The following MAN2A1 variants were observed in gnomAD, a reference collection of about 807,000 sequenced individuals.
The protein encoded by MAN2A1 is alpha-mannosidase 2.
A neutral mutation model predicts 142.6 loss-of-function variants in MAN2A1; 76 were observed. The observed-to-expected ratio is 0.53, with a 90% confidence interval of 0.44 to 0.65. The LOEUF is 0.65. Ranked by LOEUF, MAN2A1 falls within the 30% of genes least tolerant of loss-of-function variation. The pLI, the probability that MAN2A1 is intolerant of heterozygous loss-of-function variation, is 0.00. For synonymous variants in MAN2A1, 559 were observed against 473.2 expected, an observed-to-expected ratio of 1.18 and a Z score of -2.35; for missense variants, 1,311 against 1,365.1, an observed-to-expected ratio of 0.96 and a Z score of 0.62.
intron 2 of MAN2A1, among the ~76,000 whole-genome samples, chr5:109,714,034 A>G (rs1297779825): frequency 6.6e-6 from 1 of 151,968 alleles, no homozygotes; most frequent in East Asian, 1.9e-4. Flanking sequence ...TTCAGGTCTT[A>G]TTTTCTGTAA....
At chr5:109,735,760 A>G (rs1397942226) in intron 4 of MAN2A1, among the ~76,000 whole-genome samples, 1 of 152,052 alleles carries the variant, frequency 6.6e-6, no homozygotes, top group African/African-American at 2.4e-5. Context: ...CTTTGTAATT[A>G]ATTTGTTAAA....
At position 109,774,944 on chromosome 5, in the gene MAN2A1, T is replaced by C; in HGVS notation, c.1353T>C (p.Ser451=). 1 of 1,605,636 alleles carries C rather than the reference T, an allele frequency of 6.2e-7. No individual in the cohort carries two copies. Among genetic ancestry groups the C allele is most frequent in the Non-Finnish European group, 8.5e-7 (1 of 1,175,376 alleles). ...AGCAGCTTTTTGATTATATGAATTC[T>C]CAGTCCAAGTTTAAAGTTAAGGTAA... ...NYQQLFDYMN[S]QSKFKVKIQF... is the part of the protein sequence containing the mutation. Residue 451 remains serine, a synonymous_variant, in exon 8 of 22, where the codon TCT becomes TCC. Transcript: ENST00000261483.
chr5:109,847,959 G>A (rs180964484), intron 19 of MAN2A1, among the ~76,000 whole-genome samples, 169 bp downstream of exon 19: 11 of 152,146 alleles, frequency 7.2e-5, no homozygotes, highest in East Asian at 5.8e-4. Context: ...TATAAATATC[G>A]TGTAAGATTT....
In MAN2A1 at chr5:109,755,831, A is replaced by G. The variant is rs751858205; in HGVS notation, c.835+375A>G. On this transcript the variant is annotated intron_variant, in intron 5 of 21. Coordinates refer to ENST00000261483, the MANE Select transcript of MAN2A1 (RefSeq NM_002372.4). ...TTATGTCACTGAGTGTTCCAGAGATACGGTAGCTTCAGGTATTGCTGTATC... is the reference window on the plus strand; with the variant it reads ...TTATGTCACTGAGTGTTCCAGAGATGCGGTAGCTTCAGGTATTGCTGTATC... Among the ~76,000 whole-genome samples, 4 of 152,132 alleles carry G rather than the reference A, an allele frequency of 2.6e-5. No homozygotes were observed. In the South Asian group the frequency reaches 8.3e-4, roughly 32 times the overall value.
chr5:109,797,099 G>A (rs1753883744), intron 12 of MAN2A1, among the ~76,000 whole-genome samples: 2 of 152,158 alleles, frequency 1.3e-5, no homozygotes, highest in African/African-American at 2.4e-5. Context: ...CAGAGTCTAG[G>A]TAAATGTCTA....
intron 4 of MAN2A1, among the ~76,000 whole-genome samples, chr5:109,736,213 TCACA>T (rs1288018807): frequency 1.3e-5 from 2 of 152,130 alleles, no homozygotes; most frequent in Non-Finnish European, 2.9e-5. Context: ...GCAGACACAC[TCACA>T]CAGTGCTAAA....
chr5:109,730,413 A>G (rs1472347920), intron 4 of MAN2A1, among the ~76,000 whole-genome samples: 4 of 151,916 alleles, frequency 2.6e-5, no homozygotes, highest in South Asian at 2.1e-4. Context: ...TAACATATTT[A>G]TCTACTCAAA....
At chr5:109,803,726 C>T (rs928207134) in intron 12 of MAN2A1, among the ~76,000 whole-genome samples, 2 of 151,946 alleles carry the variant, frequency 1.3e-5, no homozygotes, top group Non-Finnish European at 1.5e-5. Context: ...GAAAAGAAGA[C>T]GAGGTGGTGT....
At position 109,710,960 on chromosome 5, in the gene MAN2A1, G is replaced by T. The variant is rs186163581; in HGVS notation, c.136-2560G>T. 3.9e-4 allele frequency among the ~76,000 whole-genome samples: 60 copies of T among 152,284 alleles called. 1 individual carries two copies. The highest frequency in any genetic ancestry group is 1.1e-3 in the African/African-American group (44 of 41,576). ...CCGCTTCGGACTCCCAAAGTGCTGG[G>T]ATTACAGGCGTGAGCCACCGCGCTC... On this transcript the variant is annotated intron_variant, in intron 1 of 21. Coordinates refer to ENST00000261483, the MANE Select transcript of MAN2A1 (RefSeq NM_002372.4).
chr5:109,762,126 G>T (rs1291605029), intron 5 of MAN2A1, among the ~76,000 whole-genome samples: 1 of 151,964 alleles, frequency 6.6e-6, no homozygotes, highest in Non-Finnish European at 1.5e-5. Flanking sequence ...CACAGTATAA[G>T]TTTTTTTCCA....
At position 109,855,265 on chromosome 5, in the gene MAN2A1, A is replaced by G. The variant is rs1284794704; in HGVS notation, c.3102A>G (p.Glu1034=). 1 of 1,607,210 alleles carries G rather than the reference A, an allele frequency of 6.2e-7. No homozygotes were observed. The highest frequency in any genetic ancestry group is 8.5e-7 in the Non-Finnish European group (1 of 1,177,702). Residue 1034 remains glutamate (E), a synonymous_variant, in exon 20 of 22, where the codon GAA becomes GAG. Transcript: ENST00000261483. ...FSSPTLELQG[E]FSPLQSSLPC... is the part of the protein sequence containing the mutation. ...CACCTACCCTTGAGCTGCAAGGTGA[A>G]TTCTCTCCATTACAGTCATCTTTGC...
intron 16 of MAN2A1, among the ~76,000 whole-genome samples, chr5:109,827,309 C>CT (rs1485462934): frequency 6.6e-6 from 1 of 152,156 alleles, no homozygotes; most frequent in African/African-American, 2.4e-5. Context: ...TGTTGGGTGT[C>CT]TATTTTTGTT....
rs369108560 is a variant in MAN2A1 at position 109,743,215 on chromosome 5, T to C, written c.708-12114T>C. ...TCCTCTTCTGCTTACTTCCCCAATG[T>C]TCCTGTTCTCGCCTGTTGGGGAACA... is the stretch of plus-strand genomic sequence containing the variant. On this transcript the variant is annotated intron_variant, in intron 4 of 21. Coordinates refer to ENST00000261483, the MANE Select transcript of MAN2A1 (RefSeq NM_002372.4). Among the ~76,000 whole-genome samples, 59 of 152,332 alleles carry C rather than the reference T, an allele frequency of 3.9e-4. No homozygotes were observed. In the East Asian group the frequency reaches 5.4e-3, roughly 14 times the overall value.
At chr5:109,828,104 CA>C (rs751087391) in intron 16 of MAN2A1, among the ~76,000 whole-genome samples, 20,747 of 92,608 alleles carry the variant, frequency 0.22, 1,403 homozygotes, top group African/African-American at 0.3. Context: ...GACTCTGTCT[CA>C]AAAAAAAAAA....
intron 12 of MAN2A1, among the ~76,000 whole-genome samples, chr5:109,795,812 CT>C (rs1434168081): frequency 2.0e-5 from 3 of 151,938 alleles, no homozygotes; most frequent in East Asian, 1.9e-4. Flanking sequence ...GGTAGCTTTT[CT>C]TTTTTTTCTC....
chr5:109,746,256 T>G (rs368438670), intron 4 of MAN2A1, among the ~76,000 whole-genome samples: 1 of 152,262 alleles, frequency 6.6e-6, no homozygotes, highest in African/African-American at 2.4e-5. Flanking sequence ...ATTACAGATG[T>G]GAACCACCGC....
chr5:109,806,178 G>A (rs960905292), intron 12 of MAN2A1, among the ~76,000 whole-genome samples: 2 of 152,154 alleles, frequency 1.3e-5, no homozygotes, highest in African/African-American at 4.8e-5. Flanking sequence ...TCTAGTTGCT[G>A]CATCAGTGCT....
chr5:109,716,297 A>G (rs1360236305), intron 3 of MAN2A1, 33 bp downstream of exon 3: 3 of 1,572,222 alleles, frequency 1.9e-6, no homozygotes, highest in East Asian at 2.3e-5. Flanking sequence ...ACAGGAGGTT[A>G]TTAAGTTTCT....
chr5:109,802,859 C>T (rs116387097), intron 12 of MAN2A1, among the ~76,000 whole-genome samples: 3 of 151,900 alleles, frequency 2.0e-5, no homozygotes, highest in Admixed American at 1.3e-4. Context: ...AAAGATTTAT[C>T]GTTCTATTCT....
Sources: allele counts gnomAD v4.1 joint callset (sites outside exome capture counted in the v4.1 genomes callset), GRCh38; gene constraint gnomAD v4.1.1; transcripts MANE v1.5; gene names NCBI Gene and HGNC (gene_info 2026-07-23, HGNC 2026-07-21).